SLC4A10: variants seen among roughly 807,000 people sequenced by gnomAD.
SLC4A10 encodes sodium-driven chloride bicarbonate exchanger.
A neutral mutation model predicts 137.7 loss-of-function variants in SLC4A10; 42 were observed. The ratio of observed to expected loss-of-function variants is 0.30; its 90% CI spans 0.24 to 0.39. The LOEUF is 0.39. Ranked by LOEUF, SLC4A10 falls within the 10% of genes least tolerant of loss-of-function variation. The probability of loss-of-function intolerance (pLI) is 1.00; values close to 1 mark genes in which losing one functional copy is unlikely to be tolerated. For missense variants in SLC4A10, 925 were observed against 1,355.0 expected, an observed-to-expected ratio of 0.68 and a Z score of 4.98; for synonymous variants, 474 against 464.1, an observed-to-expected ratio of 1.02 and a Z score of -0.27.
chr2:161,731,130 G>T (rs532655201), intron 1 of SLC4A10, among the ~76,000 whole-genome samples: 1 of 152,198 alleles, frequency 6.6e-6, no homozygotes, highest in South Asian at 2.1e-4. Flanking sequence ...TGAATGCCTG[G>T]CACATGGTAG....
intron 1 of SLC4A10, among the ~76,000 whole-genome samples, chr2:161,713,517 A>G (rs1447368025): frequency 6.6e-6 from 1 of 151,794 alleles, no homozygotes; most frequent in African/African-American, 2.4e-5. Flanking sequence ...TTCAGATCCT[A>G]AGAGACCTCC....
chr2:161,894,606 T>C, intron 10 of SLC4A10, 73 bp from the exon 11 acceptor site: 1 of 815,570 alleles, frequency 1.2e-6, no homozygotes, highest in Non-Finnish European at 1.6e-6. Context: ...GATAACTGAG[T>C]TGAAAACACT....
rs1700665420 is a variant in SLC4A10, at chr2:161,985,162, G to T, written c.*2010G>T. On this transcript the variant is annotated 3_prime_UTR_variant, in exon 27 of 27. Coordinates refer to ENST00000446997, the MANE Select transcript of SLC4A10 (RefSeq NM_001178015.2). ...TACTAAATATCTTGAATGTAATTTAGTGCCAAGTTTAAATAATGTGTAAAT... is the reference window on the plus strand; with the variant it reads ...TACTAAATATCTTGAATGTAATTTATTGCCAAGTTTAAATAATGTGTAAAT... The T allele has an allele frequency of 6.6e-6, 1 of 152,074 alleles. No homozygotes were observed. The highest frequency in any genetic ancestry group is 2.1e-4 in the South Asian group (1 of 4,818). The allele number at this position is 152,074 out of a possible 1,614,324, so 9.4% of individuals were successfully genotyped here.
At chr2:161,730,427 C>G (rs1326413691) in intron 1 of SLC4A10, among the ~76,000 whole-genome samples, 1 of 152,164 alleles carries the variant, frequency 6.6e-6, no homozygotes, top group Non-Finnish European at 1.5e-5. Flanking sequence ...GTCTATTTAT[C>G]TATTATCTCT....
At chr2:161,689,528 C>T (rs1169812114) in intron 1 of SLC4A10, among the ~76,000 whole-genome samples, 1 of 152,172 alleles carries the variant, frequency 6.6e-6, no homozygotes, top group East Asian at 1.9e-4. Context: ...GTGTAGTAGG[C>T]TATCCCCTCC....
chr2:161,829,058 A>T (rs2058244497), intron 3 of SLC4A10, among the ~76,000 whole-genome samples: 1 of 151,660 alleles, frequency 6.6e-6, no homozygotes, highest in African/African-American at 2.4e-5. Context: ...TATAGTCAAA[A>T]ATATTATGTC....
At chr2:161,895,395 C>A (rs903258375) in intron 11 of SLC4A10, among the ~76,000 whole-genome samples, 5 of 151,988 alleles carry the variant, frequency 3.3e-5, no homozygotes, top group African/African-American at 1.2e-4. Flanking sequence ...GTCTTTATGG[C>A]AGCATGATTT....
intron 1 of SLC4A10, among the ~76,000 whole-genome samples, chr2:161,656,502 G>A (rs1239309800): frequency 6.6e-6 from 1 of 152,122 alleles, no homozygotes; most frequent in Non-Finnish European, 1.5e-5. Context: ...TTAAATAAAT[G>A]AGGAGGTGTA....
intron 18 of SLC4A10, among the ~76,000 whole-genome samples, chr2:161,950,442 C>G (rs1370317232): frequency 6.6e-6 from 1 of 151,832 alleles, no homozygotes; most frequent in Admixed American, 6.6e-5. Context: ...TACTGGATCT[C>G]TCTGTGCCTC....
At position 161,956,983 on chromosome 2, in the gene SLC4A10, A is replaced by G; in HGVS notation, c.2542-6A>G. On this transcript the variant is annotated splice_region_variant and splice_polypyrimidine_tract_variant and intron_variant, in intron 19 of 26. Transcript: ENST00000446997. The stretch of plus-strand genomic sequence containing the variant: ...TTCTTTCTCTCTTTCTTTCTTTTTT[A>G]AACAGAAAGGTTGTGGGTACCATCT... 17 of 1,552,166 alleles carry G rather than the reference A, an allele frequency of 1.1e-5. No homozygotes were observed. Among genetic ancestry groups the G allele is most frequent in the Non-Finnish European group, 1.4e-5 (16 of 1,149,418 alleles).
chr2:161,834,796 T>C (rs1326862189), intron 3 of SLC4A10, among the ~76,000 whole-genome samples: 1 of 152,028 alleles, frequency 6.6e-6, no homozygotes, highest in African/African-American at 2.4e-5. Context: ...TGTAGTGGCT[T>C]GCATGGATAA....
At position 161,965,134 on chromosome 2, in the gene SLC4A10, C is replaced by G. The variant is rs61748243; in HGVS notation, c.3120C>G (p.Pro1040=). 3.1e-6 allele frequency: 5 copies of G among 1,609,584 alleles called. No homozygotes were observed. Among genetic ancestry groups the G allele is most frequent in the Admixed American group, 3.4e-5 (2 of 59,692 alleles). The change falls in exon 23 of 27, where the codon CCC becomes CCG. Residue 1040 remains proline, a synonymous_variant. Transcript: ENST00000446997. ...RELSWLDDLM[P]ESKKKKLEDA... ...TCAGCTGGTTGGATGATTTGATGCC[C>G]GAGAGTAAGAAAAAGAAACTGGAAG...
chr2:161,696,449 TC>T (rs1278047840), intron 1 of SLC4A10, among the ~76,000 whole-genome samples: 3 of 55,576 alleles, frequency 5.4e-5, no homozygotes, highest in African/African-American at 2.3e-4. Flanking sequence ...ATGCTATCCC[TC>T]CCCCCTCCCC....
rs769583183 is a variant in SLC4A10 at position 161,874,019 on chromosome 2, C to T, written c.948+14C>T. 64 of 1,576,002 alleles carry T rather than the reference C, an allele frequency of 4.1e-5. No individual in the cohort carries two copies. Among genetic ancestry groups the T allele is most frequent in the Middle Eastern group, 1.6e-4 (1 of 6,064 alleles). The stretch of plus-strand genomic sequence containing the variant: ...CAAGAGAGAGAGGTGAGGGCATACT[C>T]GGGCTCTATTTCTACAGTGGTTCAA... On this transcript the variant is annotated intron_variant, in intron 8 of 26. Coordinates refer to ENST00000446997, the MANE Select transcript of SLC4A10 (RefSeq NM_001178015.2).
intron 5 of SLC4A10, among the ~76,000 whole-genome samples, chr2:161,858,504 A>T (rs180890181): frequency 1.1e-3 from 175 of 152,274 alleles, no homozygotes; most frequent in Non-Finnish European, 2.1e-3. Flanking sequence ...ATAAATTTAA[A>T]CTTTATCCTT....
At chr2:161,840,376 A>C (rs1221908497) in intron 4 of SLC4A10, among the ~76,000 whole-genome samples, 1 of 152,192 alleles carries the variant, frequency 6.6e-6, no homozygotes, top group Non-Finnish European at 1.5e-5. Flanking sequence ...AATAATTTGT[A>C]ATATGTTTCT....
At chr2:161,907,589 T>C (rs1684749443) in intron 15 of SLC4A10, among the ~76,000 whole-genome samples, 1 of 152,204 alleles carries the variant, frequency 6.6e-6, no homozygotes, top group Non-Finnish European at 1.5e-5. Flanking sequence ...TGGTACAGAA[T>C]GCTATAGCAG....
intron 3 of SLC4A10, among the ~76,000 whole-genome samples, chr2:161,806,782 T>C (rs2056016922): frequency 6.6e-6 from 1 of 152,180 alleles, no homozygotes; most frequent in South Asian, 2.1e-4. Flanking sequence ...CACATTTTCC[T>C]ATCTTCTTCT....
chr2:161,840,731 C>A (rs1245463088), intron 4 of SLC4A10, among the ~76,000 whole-genome samples: 1 of 152,210 alleles, frequency 6.6e-6, no homozygotes, highest in Non-Finnish European at 1.5e-5. Flanking sequence ...ACTGTGGGCA[C>A]ACCCAGGGTT....
Sources: gnomAD v4.1 joint callset for allele counts (sites outside exome capture counted in the v4.1 genomes callset) on GRCh38, gnomAD v4.1.1 for gene constraint, MANE v1.5 for transcripts, NCBI Gene and HGNC (gene_info 2026-07-23, HGNC 2026-07-21) for gene names.